XIAP: variants seen among roughly 807,000 people sequenced by gnomAD.
The protein encoded by XIAP is X-linked inhibitor of apoptosis, also known as E3 ubiquitin-protein ligase XIAP.
A neutral mutation model predicts 33.1 loss-of-function variants in XIAP; 3 were observed. The observed-to-expected ratio is 0.09, with a 90% CI of 0.04 to 0.23. The LOEUF is 0.23. Among genes scored for constraint, XIAP ranks in the 10% least tolerant of loss-of-function variants. The pLI, the probability that XIAP is intolerant of heterozygous loss-of-function variation, is 1.00. For synonymous variants in XIAP, 98 were observed against 121.3 expected (o/e 0.81, Z 1.26); for missense variants, 264 against 363.0 (o/e 0.73, Z 2.22).
chrX:123,885,421 C>T (rs1374055637), intron 1 of XIAP, among the ~76,000 whole-genome samples: 2 of 111,976 alleles, frequency 1.8e-5, no homozygotes, highest in Admixed American at 9.6e-5. Context: ...ATATTACTTT[C>T]CTCAAAAAGA....
chrX:123,865,608 C>T (rs913769598), intron 1 of XIAP, among the ~76,000 whole-genome samples: 4 of 108,889 alleles, frequency 3.7e-5, no homozygotes, highest in African/African-American at 1.3e-4. Flanking sequence ...CCTGTAGTCC[C>T]AGCTACTTGG....
chrX:123,883,631 G>A (rs2053325355), intron 1 of XIAP, among the ~76,000 whole-genome samples: 1 of 108,503 alleles, frequency 9.2e-6, no homozygotes, highest in African/African-American at 3.4e-5. Flanking sequence ...CAAGTAGCTG[G>A]GATTACAGGC....
intron 1 of XIAP, among the ~76,000 whole-genome samples, chrX:123,863,012 C>T (rs181658097): frequency 3.4e-3 from 374 of 111,186 alleles, no homozygotes; most frequent in African/African-American, 9.5e-3. Flanking sequence ...TCACCTGAGC[C>T]TTGGGAGGTG....
In XIAP at chrX:123,886,379, T is replaced by G; in HGVS notation, c.717T>G (p.Ser239Arg). Residue 239 changes from serine to arginine, a missense_variant, in exon 2 of 7, where the codon AGT (serine) becomes AGG (arginine). Coordinates refer to ENST00000371199, the MANE Select transcript of XIAP (RefSeq NM_001167.4). ...FVLGRNLNIR[S>R]ESDAVSSDRN... Reference sequence around the variant, plus strand: ...TGGGCCGGAATCTTAATATTCGAAGTGAATCTGATGCTGTGAGTTCTGATA... The same window carrying G: ...TGGGCCGGAATCTTAATATTCGAAGGGAATCTGATGCTGTGAGTTCTGATA... 1 of 1,211,958 alleles carries G rather than the reference T, an allele frequency of 8.3e-7. No individual in the cohort carries two copies. Among genetic ancestry groups the G allele is most frequent in the Non-Finnish European group, 1.1e-6 (1 of 895,617 alleles).
In XIAP at chrX:123,889,554, G is replaced by C. The variant is rs1159042084; in HGVS notation, c.977+836G>C. Among the ~76,000 whole-genome samples the C allele has an allele frequency of 7.7e-5, 8 of 103,483 alleles. No individual in the cohort carries two copies. The East Asian group carries it at 2.5e-3, about 32-fold the overall frequency. The allele number at this position is 103,483 out of a possible 115,157, so 89.9% of individuals were successfully genotyped here. Reference sequence around the variant, plus strand: ...TTTTTTGAGATAGAGTTTTGCTCTTGTCGCCCATGCTGGAGTGCAATGGTG... The same window carrying C: ...TTTTTTGAGATAGAGTTTTGCTCTTCTCGCCCATGCTGGAGTGCAATGGTG... On this transcript the variant is annotated intron_variant, in intron 3 of 6. Transcript: ENST00000371199.
chrX:123,901,968 AATTAC>A (rs1245876114), intron 6 of XIAP, among the ~76,000 whole-genome samples: 1 of 111,684 alleles, frequency 9.0e-6, no homozygotes, highest in Non-Finnish European at 1.9e-5. Flanking sequence ...GAGTAGCTGG[AATTAC>A]AGGCATGTGC....
intron 1 of XIAP, 95 bp downstream of exon 1, chrX:123,860,388 C>T: frequency 6.5e-6 from 2 of 308,207 alleles, no homozygotes. Flanking sequence ...TCCCTCGGGC[C>T]GGCGCTGCTG....
chrX:123,874,968 C>T (rs1197659139), intron 1 of XIAP, among the ~76,000 whole-genome samples: 3 of 104,200 alleles, frequency 2.9e-5, no homozygotes, highest in African/African-American at 1.1e-4. Flanking sequence ...CCACCTTAGC[C>T]CCCAAAGTGC....
rs2053346523 is a variant in XIAP, at chrX:123,885,897, G to A, written c.235G>A (p.Ala79Thr). Residue 79 changes from alanine (A) to threonine (T), a missense_variant, in exon 2 of 7, where the codon GCA becomes ACA. Ala to Thr is a moderately conservative substitution (Grantham distance 58). Transcript: ENST00000371199. ...AVDRWQYGDSAVGRHRKVSPN... is the reference protein window; with the variant it reads ...AVDRWQYGDSTVGRHRKVSPN... The stretch of plus-strand genomic sequence containing the variant: ...AGATAGATGGCAATATGGAGACTCA[G>A]CAGTTGGAAGACACAGGAAAGTATC... 1 of 1,211,838 alleles carries A rather than the reference G, an allele frequency of 8.3e-7. No individual in the cohort carries two copies. The highest frequency in any genetic ancestry group is 1.1e-6 in the Non-Finnish European group (1 of 895,590).
At chrX:123,868,680 C>G (rs970426717) in intron 1 of XIAP, among the ~76,000 whole-genome samples, 15 of 111,478 alleles carry the variant, frequency 1.3e-4, no homozygotes, top group African/African-American at 4.9e-4. Flanking sequence ...TGCAGTGAGT[C>G]AAGATCAGGG....
chrX:123,903,616 TCA>T (rs1453675598), intron 6 of XIAP, among the ~76,000 whole-genome samples: 2 of 87,083 alleles, frequency 2.3e-5, no homozygotes, highest in Non-Finnish European at 4.5e-5. Context: ...GGGGTTTGTT[TCA>T]GTTTTTTTTT....
chrX:123,905,830 T>C (rs2053552435), intron 6 of XIAP, among the ~76,000 whole-genome samples: 1 of 112,426 alleles, frequency 8.9e-6, no homozygotes, highest in African/African-American at 3.2e-5. Flanking sequence ...TAGACTATAC[T>C]GTCCTATATT....
At chrX:123,890,593 C>T (rs1192349195) in intron 3 of XIAP, among the ~76,000 whole-genome samples, 5 of 101,502 alleles carry the variant, frequency 4.9e-5, no homozygotes, top group African/African-American at 7.3e-5. Context: ...CCACTGCACT[C>T]GGCGCCACTG....
chrX:123,868,860 A>G (rs1426764510), intron 1 of XIAP, among the ~76,000 whole-genome samples: 1 of 112,275 alleles, frequency 8.9e-6, no homozygotes, highest in Non-Finnish European at 1.9e-5. Context: ...AGGACTTGGC[A>G]TGGGCTTTTA....
Position 123,880,359 on chromosome X carries a change from C to T in XIAP, c.-32-5272C>T, listed in dbSNP as rs1298861475. Among the ~76,000 whole-genome samples the T allele has an allele frequency of 1.1e-4, 11 of 103,714 alleles. No homozygotes were observed. The Admixed American group carries it at 1.1e-3, about 10-fold the overall frequency. 90.1% of individuals were successfully genotyped at this position (103,714 alleles called of 115,157 possible). On this transcript the variant is annotated intron_variant, in intron 1 of 6. Coordinates refer to ENST00000371199, the MANE Select transcript of XIAP (RefSeq NM_001167.4). ...TCAAGAGGCGGAGGTTGTGGTGAAC[C>T]GAGGTCGTGCCATTGCACTCCAGCC...
rs184789053 is a variant in XIAP at position 123,901,833 on chromosome X, T to A, written c.1300+1140T>A. 2.3e-3 allele frequency among the ~76,000 whole-genome samples: 258 copies of A among 111,597 alleles called. 2 individuals carry two copies. The highest frequency in any genetic ancestry group is 8.0e-3 in the African/African-American group (247 of 30,762). On this transcript the variant is annotated intron_variant, in intron 6 of 6. Coordinates refer to ENST00000371199, the MANE Select transcript of XIAP (RefSeq NM_001167.4). ...TAATTGTCATCTTTCTTTCTTTTTT[T>A]AATTTTTTATTTGTTTTAAGACGGA...
chrX:123,871,606 G>A lies in XIAP; in HGVS notation c.-33+11313G>A, dbSNP rs777943210. ...AGTGATCCTCCCACCTCATCCTCCCGAGTAGCTGGGACTACAGGCTCCAGC... is the reference window on the plus strand; with the variant it reads ...AGTGATCCTCCCACCTCATCCTCCCAAGTAGCTGGGACTACAGGCTCCAGC... On this transcript the variant is annotated intron_variant, in intron 1 of 6. Coordinates refer to ENST00000371199, the MANE Select transcript of XIAP (RefSeq NM_001167.4). Among the ~76,000 whole-genome samples, 4 of 108,746 alleles carry A rather than the reference G, an allele frequency of 3.7e-5. No individual in the cohort carries two copies. The South Asian group carries it at 1.6e-3, about 43-fold the overall frequency. The allele number at this position is 108,746 out of a possible 115,157, so 94.4% of individuals were successfully genotyped here.
Position 123,909,178 on chromosome X carries a change from G to A in XIAP, c.*1997G>A, listed in dbSNP as rs1259829065. 2 of 270,534 alleles carry A rather than the reference G, an allele frequency of 7.4e-6. No individual in the cohort carries two copies. The highest frequency in any genetic ancestry group is 1.4e-5 in the Non-Finnish European group (2 of 145,752). 22.3% of individuals were successfully genotyped at this position (270,534 alleles called of 1,213,427 possible). A position where few individuals can be genotyped will look rare whatever the true frequency, so the allele number is the denominator to read the frequency against. ...TGAGTAGCTGGAATTACAGGCAGGT[G>A]CCACCATGCCCGACTAATTTTTTTT... On this transcript the variant is annotated 3_prime_UTR_variant, in exon 7 of 7. Coordinates refer to ENST00000371199, the MANE Select transcript of XIAP (RefSeq NM_001167.4).
intron 5 of XIAP, among the ~76,000 whole-genome samples, chrX:123,894,257 TGAA>T (rs1313557385): frequency 8.9e-6 from 1 of 112,346 alleles, no homozygotes; most frequent in East Asian, 2.8e-4. Flanking sequence ...ACTTTTCAGA[TGAA>T]GAAAGAGTCA....
Sources: gnomAD v4.1 joint callset for allele counts (sites outside exome capture counted in the v4.1 genomes callset) on GRCh38, gnomAD v4.1.1 for gene constraint, MANE v1.5 for transcripts, NCBI Gene and HGNC (gene_info 2026-07-23, HGNC 2026-07-21) for gene names.